SPNS2: variants seen among roughly 807,000 people sequenced by gnomAD.
The protein encoded by SPNS2 is SPNS lysolipid transporter 2, sphingosine-1-phosphate.
A neutral mutation model predicts 57.6 loss-of-function variants in SPNS2; 37 were observed. The observed-to-expected ratio is 0.64, with a 90% CI of 0.49 to 0.85. The LOEUF (loss-of-function observed/expected upper bound fraction) is 0.85. SPNS2 is among the 40% of genes least tolerant of loss of function. The pLI is 0.00. For missense variants in SPNS2, 831 were observed against 779.1 expected, an observed-to-expected ratio of 1.07 and a Z score of -0.79; for synonymous variants, 440 against 346.9, an observed-to-expected ratio of 1.27 and a Z score of -2.98.
chr17:4,509,028 T>G (rs1451015625), intron 1 of SPNS2, among the ~76,000 whole-genome samples: 2 of 152,070 alleles, frequency 1.3e-5, no homozygotes, highest in Non-Finnish European at 2.9e-5. Flanking sequence ...GGCTGGACGA[T>G]AAAGCAGATG....
chr17:4,506,535 G>A (rs1278230270), intron 1 of SPNS2, among the ~76,000 whole-genome samples: 2 of 152,300 alleles, frequency 1.3e-5, no homozygotes, highest in African/African-American at 4.8e-5. Flanking sequence ...CCTGGTTCCA[G>A]TAAAGCTGGC....
chr17:4,509,862 G>A (rs1429817937), intron 1 of SPNS2, among the ~76,000 whole-genome samples: 1 of 152,248 alleles, frequency 6.6e-6, no homozygotes, highest in African/African-American at 2.4e-5. Context: ...CTGCATCTGG[G>A]GTAGGAACCC....
intron 8 of SPNS2, 111 bp downstream of exon 8, chr17:4,533,543 C>A: frequency 8.2e-7 from 1 of 1,217,710 alleles, no homozygotes; most frequent in Non-Finnish European, 1.1e-6. Flanking sequence ...CTCGGGGAGG[C>A]TCCTATTCTC....
intron 2 of SPNS2, among the ~76,000 whole-genome samples, chr17:4,519,726 G>T (rs1027668375): frequency 6.8e-6 from 1 of 146,866 alleles, no homozygotes; most frequent in African/African-American, 2.5e-5. Context: ...CCACGGGATT[G>T]CGGGGTGGTG....
chr17:4,510,002 G>A lies in SPNS2; in HGVS notation c.371-3245G>A, dbSNP rs1415157162. The stretch of plus-strand genomic sequence containing the variant: ...AAGAGGCTAAAAATAAGGCTGTGGT[G>A]AAGAAGGGAGGGGTGCGTGGGCCTG... On this transcript the variant is annotated intron_variant, in intron 1 of 12. Coordinates refer to ENST00000329078, the MANE Select transcript of SPNS2 (RefSeq NM_001124758.3). The surrounding 1 kb of genome is among the most constrained non-coding windows in gnomAD (Gnocchi z 4.4). Among the ~76,000 whole-genome samples the A allele has an allele frequency of 6.6e-6, 1 of 152,236 alleles. No homozygotes were observed. The highest frequency in any genetic ancestry group is 1.5e-5 in the Non-Finnish European group (1 of 68,038).
In SPNS2 at chr17:4,536,078, C is replaced by T. The variant is rs1020563491; in HGVS notation, c.1347C>T (p.Tyr449=). ...TGACCTGCCCGCCTGTTCCGCAGTACGTGGTCATCCCCACGCGGCGCGCCA... is the reference window on the plus strand; with the variant it reads ...TGACCTGCCCGCCTGTTCCGCAGTATGTGGTCATCCCCACGCGGCGCGCCA... ...NWAITADILM[Y]VVIPTRRATA... Residue 449 remains tyrosine (Y), a splice_region_variant and synonymous_variant, in exon 10 of 13, where the codon TAC becomes TAT. Transcript: ENST00000329078. The T allele has an allele frequency of 1.9e-5, 30 of 1,610,908 alleles. No homozygotes were observed. The highest frequency in any genetic ancestry group is 2.5e-5 in the Non-Finnish European group (29 of 1,179,562).
chr17:4,521,335 G>C (rs1905132970), intron 2 of SPNS2, among the ~76,000 whole-genome samples: 1 of 152,226 alleles, frequency 6.6e-6, no homozygotes. Flanking sequence ...ATTCTGATCT[G>C]ATCTCAGGCA....
intron 1 of SPNS2, among the ~76,000 whole-genome samples, chr17:4,505,560 A>G (rs966846833): frequency 6.6e-6 from 1 of 151,906 alleles, no homozygotes; most frequent in Non-Finnish European, 1.5e-5. Flanking sequence ...GCTTTTCTAC[A>G]TGGCTTTTCT....
At chr17:4,533,171 C>T (rs370911335) in intron 7 of SPNS2, 42 bp downstream of exon 7, 341 of 1,582,936 alleles carry the variant, frequency 2.2e-4, no homozygotes, top group African/African-American at 1.3e-3. Context: ...TGAGGGACCT[C>T]GGACAGGAGA....
intron 2 of SPNS2, among the ~76,000 whole-genome samples, chr17:4,519,537 T>G (rs573017871): frequency 6.6e-6 from 1 of 152,220 alleles, no homozygotes; most frequent in South Asian, 2.1e-4. Context: ...CTCCCTGCTG[T>G]CACGGCCCTG....
rs1334086647 is a variant in SPNS2, at chr17:4,512,068, T to C, written c.371-1179T>C. On this transcript the variant is annotated intron_variant, in intron 1 of 12. Transcript: ENST00000329078. This position sits in a 1 kb window ranked among gnomAD's most constrained non-coding sequence, Gnocchi z 5.2. ...GTGTGGGGATTATACAGGCATTTAATGCTCAGTTCGGCAAACCATCATCTG... is the reference window on the plus strand; with the variant it reads ...GTGTGGGGATTATACAGGCATTTAACGCTCAGTTCGGCAAACCATCATCTG... 6.6e-6 allele frequency among the ~76,000 whole-genome samples: 1 copy of C among 152,228 alleles called. No individual in the cohort carries two copies. The highest frequency in any genetic ancestry group is 1.5e-5 in the Non-Finnish European group (1 of 68,038).
intron 1 of SPNS2, among the ~76,000 whole-genome samples, chr17:4,506,037 C>G (rs1024410599): frequency 2.6e-4 from 40 of 152,150 alleles, no homozygotes; most frequent in Non-Finnish European, 5.0e-4. Flanking sequence ...TTCCAGCATC[C>G]GTGTGGGGAT....
chr17:4,521,201 A>G (rs1256281871), intron 2 of SPNS2, among the ~76,000 whole-genome samples: 1 of 152,106 alleles, frequency 6.6e-6, no homozygotes, highest in Non-Finnish European at 1.5e-5. Flanking sequence ...GACAGGGGGA[A>G]ACTTCTCTTC....
chr17:4,536,046 T>C, intron 9 of SPNS2, 30 bp from the exon 10 acceptor site: 1 of 1,598,320 alleles, frequency 6.3e-7, no homozygotes, highest in Middle Eastern at 1.9e-4. Flanking sequence ...CTTTCTCCTC[T>C]GGCCGCTGAC....
chr17:4,536,186 C>G lies in SPNS2; in HGVS notation c.1443+12C>G, dbSNP rs374344777. 6.2e-7 allele frequency: 1 copy of G among 1,610,246 alleles called. No individual in the cohort carries two copies. ...ACCTCATTGGCTTTGTGAGTAGCCC[C>G]GGGGTGGGGCTGGCCAGGGCAGGCT... is the stretch of plus-strand genomic sequence containing the variant. On this transcript the variant is annotated intron_variant, in intron 10 of 12. Coordinates refer to ENST00000329078, the MANE Select transcript of SPNS2 (RefSeq NM_001124758.3).
At chr17:4,531,381 G>A (rs1043031605) in intron 5 of SPNS2, among the ~76,000 whole-genome samples, 1 of 152,066 alleles carries the variant, frequency 6.6e-6, no homozygotes, top group African/African-American at 2.4e-5. Context: ...CCACCCGGGA[G>A]TCCCAGGTTG....
intron 2 of SPNS2, among the ~76,000 whole-genome samples, chr17:4,522,951 C>T (rs899856349): frequency 2.6e-5 from 4 of 152,250 alleles, no homozygotes; most frequent in African/African-American, 4.8e-5. Context: ...GTTTTCCTTT[C>T]TCACCCATGG....
rs541550239 is a variant in SPNS2, at chr17:4,506,808, T to C, written c.371-6439T>C. 2.5e-3 allele frequency among the ~76,000 whole-genome samples: 386 copies of C among 152,258 alleles called. 1 individual carries two copies. The highest frequency in any genetic ancestry group is 8.8e-3 in the African/African-American group (367 of 41,540). On this transcript the variant is annotated intron_variant, in intron 1 of 12. Coordinates refer to ENST00000329078, the MANE Select transcript of SPNS2 (RefSeq NM_001124758.3). ...TGCTCTGCCATTAATGACCCAGATT[T>C]GCAGGGTGGCTTGGGAGTAGGGGAC...
intron 3 of SPNS2, among the ~76,000 whole-genome samples, chr17:4,528,766 C>A (rs1905340068): frequency 1.3e-5 from 2 of 151,694 alleles, no homozygotes; most frequent in South Asian, 4.2e-4. Flanking sequence ...TGTGAGCCCA[C>A]CATGCCCAGC....
Sources: gnomAD v4.1 joint callset for allele counts (sites outside exome capture counted in the v4.1 genomes callset) on GRCh38, gnomAD v4.1.1 for gene constraint, Gnocchi (gnomAD v3.1) non-coding constraint, MANE v1.5 for transcripts, NCBI Gene and HGNC (gene_info 2026-07-23, HGNC 2026-07-21) for gene names.